Variants in GCLC observed in about 807,000 individuals in gnomAD.
The protein encoded by GCLC is glutamate-cysteine ligase catalytic subunit, also known as glutamate--cysteine ligase catalytic subunit.
Under a neutral mutation model 81.5 loss-of-function variants are expected in GCLC, and 30 were observed. That is an observed-to-expected ratio of 0.37 (90% CI 0.28 to 0.50). GCLC has a LOEUF of 0.50. GCLC is among the 20% of genes least tolerant of loss of function. The probability of loss-of-function intolerance (pLI) is 0.96; values close to 1 mark genes in which losing one functional copy is unlikely to be tolerated. For missense variants in GCLC, 556 were observed against 777.4 expected (o/e 0.72, Z 3.39); for synonymous variants, 262 against 273.3 (o/e 0.96, Z 0.41).
At chr6:53,536,395 T>C (rs1457999493) in intron 1 of GCLC, among the ~76,000 whole-genome samples, 1 of 152,242 alleles carries the variant, frequency 6.6e-6, no homozygotes, top group African/African-American at 2.4e-5. Flanking sequence ...TGTATACATA[T>C]ATCAAAACTT....
At chr6:53,531,568 C>G (rs778492018) in intron 1 of GCLC, among the ~76,000 whole-genome samples, 1 of 152,330 alleles carries the variant, frequency 6.6e-6, no homozygotes, top group Middle Eastern at 3.4e-3. Context: ...CCACCCCACA[C>G]GATGTTGCAG....
intron 1 of GCLC, among the ~76,000 whole-genome samples, chr6:53,533,514 T>C (rs1195806101): frequency 6.6e-6 from 1 of 152,162 alleles, no homozygotes; most frequent in Non-Finnish European, 1.5e-5. Context: ...GATTACTTTT[T>C]CAGTTGATGG....
At chr6:53,533,873 C>T (rs1349440435) in intron 1 of GCLC, among the ~76,000 whole-genome samples, 4 of 151,586 alleles carry the variant, frequency 2.6e-5, no homozygotes. Flanking sequence ...CAGGTCACTG[C>T]AACCTCTGCC....
In GCLC at chr6:53,541,211, C is replaced by T. The variant is rs553248340; in HGVS notation, c.150+3285G>A. 7.9e-5 allele frequency among the ~76,000 whole-genome samples: 12 copies of T among 151,440 alleles called. No individual in the cohort carries two copies. The South Asian group carries it at 1.7e-3, about 21-fold the overall frequency. On this transcript the variant is annotated intron_variant, in intron 1 of 15. Coordinates refer to ENST00000650454, the MANE Select transcript of GCLC (RefSeq NM_001498.4). ...AGCCTGGGTGACAAGAGCGAGACTC[C>T]GTCTCAAAAAAAAGAAAAAAAGAAA...
chr6:53,512,044 G>A (rs1040048631), intron 6 of GCLC, among the ~76,000 whole-genome samples: 5 of 151,468 alleles, frequency 3.3e-5, no homozygotes, highest in Admixed American at 2.0e-4. Flanking sequence ...CGCCTCCCAG[G>A]TTCAAGCGTT....
chr6:53,518,787 A>T (rs1199778216), intron 3 of GCLC, among the ~76,000 whole-genome samples: 1 of 152,164 alleles, frequency 6.6e-6, no homozygotes. Flanking sequence ...TAAGGGGAAA[A>T]AAATGAACAT....
chr6:53,544,408 G>C (rs112013713), intron 1 of GCLC, 88 bp downstream of exon 1: 1 of 1,421,836 alleles, frequency 7.0e-7, no homozygotes, highest in Non-Finnish European at 9.7e-7. Context: ...CGCGGACCGC[G>C]ATAGGGCCGG....
intron 1 of GCLC, among the ~76,000 whole-genome samples, chr6:53,537,796 C>T (rs1763281866): frequency 6.6e-6 from 1 of 151,866 alleles, no homozygotes; most frequent in South Asian, 2.1e-4. Flanking sequence ...ATGACCACAG[C>T]TATTTAAATA....
intron 6 of GCLC, among the ~76,000 whole-genome samples, chr6:53,511,647 G>C (rs1178995735): frequency 6.6e-6 from 1 of 151,886 alleles, no homozygotes; most frequent in Non-Finnish European, 1.5e-5. Flanking sequence ...AAATTAAATA[G>C]GACATCACTG....
Position 53,498,625 on chromosome 6 carries a change from A to ATT in GCLC, c.*129_*130dup, listed in dbSNP as rs1402107234. 1.4e-6 allele frequency: 1 copy of ATT among 719,840 alleles called. No homozygotes were observed. Among genetic ancestry groups the ATT allele is most frequent in the East Asian group, 2.6e-5 (1 of 38,486 alleles). The allele number at this position is 719,840 out of a possible 1,614,324, so 44.6% of individuals were successfully genotyped here. ...TACCTACCAAAGAAAGCCTTAATCAATTTCTGGCTCACTGGCCCAGAAAAC... is the reference window on the plus strand; with the variant it reads ...TACCTACCAAAGAAAGCCTTAATCAATTTTTCTGGCTCACTGGCCCAGAAAAC... On this transcript the variant is annotated 3_prime_UTR_variant, in exon 16 of 16. Coordinates refer to ENST00000650454, the MANE Select transcript of GCLC (RefSeq NM_001498.4).
chr6:53,525,752 T>A (rs1413063342), intron 1 of GCLC, among the ~76,000 whole-genome samples: 4 of 152,092 alleles, frequency 2.6e-5, no homozygotes, highest in African/African-American at 9.7e-5. Flanking sequence ...ACTTGTGCAA[T>A]TAACATATCA....
intron 8 of GCLC, among the ~76,000 whole-genome samples, chr6:53,508,243 T>C (rs982740709): frequency 2.0e-5 from 3 of 152,174 alleles, no homozygotes; most frequent in Non-Finnish European, 4.4e-5. Flanking sequence ...ATCTCACCCT[T>C]ATTAGTCAAT....
At chr6:53,531,958 T>C (rs1763178154) in intron 1 of GCLC, among the ~76,000 whole-genome samples, 1 of 152,200 alleles carries the variant, frequency 6.6e-6, no homozygotes, top group African/African-American at 2.4e-5. Context: ...ATTAAAGTCT[T>C]CCAGAAACTC....
intron 15 of GCLC, 82 bp downstream of exon 15, chr6:53,499,963 A>T: frequency 3.9e-6 from 4 of 1,023,756 alleles, no homozygotes; most frequent in Admixed American, 3.6e-5. Flanking sequence ...CATTATTTTA[A>T]AAGACTACTT....
chr6:53,532,928 A>G (rs16883966), intron 1 of GCLC, among the ~76,000 whole-genome samples: 14,576 of 152,282 alleles, frequency 0.096, 1,314 homozygotes, highest in Admixed American at 0.29. Flanking sequence ...AAAGCTCTTT[A>G]GAGATCATCC....
In GCLC at chr6:53,544,694, C is replaced by T. The variant is rs760670530; in HGVS notation, c.-49G>A. 4.6e-6 allele frequency: 7 copies of T among 1,534,476 alleles called. No individual in the cohort carries two copies. The South Asian group carries it at 8.2e-5, about 18-fold the overall frequency. ...CCTCCTCCGGGCTGACGGCGGTCGC[C>T]CGCTCCGGGCGCGAGACGGACACTC... On this transcript the variant is annotated 5_prime_UTR_variant, in exon 1 of 16. Coordinates refer to ENST00000650454, the MANE Select transcript of GCLC (RefSeq NM_001498.4).
intron 7 of GCLC, 24 bp downstream of exon 7, chr6:53,509,152 A>T (rs772319340): frequency 1.5e-6 from 2 of 1,358,576 alleles, no homozygotes; most frequent in Non-Finnish European, 2.1e-6. Context: ...GTAGTATTTA[A>T]AATAAGAGGT....
chr6:53,527,653 T>C (rs2127627447), intron 1 of GCLC, among the ~76,000 whole-genome samples: 1 of 152,342 alleles, frequency 6.6e-6, no homozygotes, highest in African/African-American at 2.4e-5. Context: ...CTGAATTATC[T>C]GAACGAGTGC....
chr6:53,516,083 G>A (rs1463011662), intron 4 of GCLC, 26 bp downstream of exon 4: 11 of 1,288,134 alleles, frequency 8.5e-6, no homozygotes, highest in Non-Finnish European at 1.2e-5. Flanking sequence ...AAGGGCATCT[G>A]CATTTCAACA....
Sources: gnomAD v4.1 joint callset for allele counts (sites outside exome capture counted in the v4.1 genomes callset) on GRCh38, gnomAD v4.1.1 for gene constraint, MANE v1.5 for transcripts, NCBI Gene and HGNC (gene_info 2026-07-23, HGNC 2026-07-21) for gene names.